Variants in OSBPL10 observed in about 807,000 individuals in gnomAD.
OSBPL10 encodes the protein oxysterol binding protein like 10.
Under a neutral mutation model 81.7 loss-of-function variants are expected in OSBPL10, and 49 were observed. That is an observed-to-expected ratio of 0.60 (90% CI 0.48 to 0.76). The LOEUF (loss-of-function observed/expected upper bound fraction) is 0.76, where lower values mean the gene tolerates loss of function less well. OSBPL10 is among the 30% of genes least tolerant of loss of function. OSBPL10 has a pLI of 0.00. For synonymous variants in OSBPL10, 419 were observed against 383.6 expected (o/e 1.09, Z -1.08); for missense variants, 923 against 987.8 (o/e 0.93, Z 0.88).
chr3:31,886,053 G>T (rs1363479087), intron 1 of OSBPL10, among the ~76,000 whole-genome samples: 1 of 150,456 alleles, frequency 6.6e-6, no homozygotes, highest in Non-Finnish European at 1.5e-5. Context: ...GGGGGGTGGG[G>T]GGCTGCAGTG....
chr3:31,751,217 G>A (rs1697707033), intron 4 of OSBPL10, among the ~76,000 whole-genome samples: 1 of 152,146 alleles, frequency 6.6e-6, no homozygotes, highest in East Asian at 1.9e-4. Flanking sequence ...AGGCATGGTG[G>A]TGCACCTGTG....
At chr3:31,909,982 CTTT>C (rs563373548) in intron 1 of OSBPL10, among the ~76,000 whole-genome samples, 12 of 129,276 alleles carry the variant, frequency 9.3e-5, no homozygotes, top group Admixed American at 2.4e-4. Flanking sequence ...GTCTCCTGGC[CTTT>C]TTTTTTTTTT....
intron 1 of OSBPL10, among the ~76,000 whole-genome samples, chr3:31,977,660 C>T (rs1698726997): frequency 6.6e-6 from 1 of 152,190 alleles, no homozygotes; most frequent in Non-Finnish European, 1.5e-5. Context: ...CCTGCAAATA[C>T]TTGCTTTATC....
intron 2 of OSBPL10, among the ~76,000 whole-genome samples, chr3:31,997,162 C>T (rs1179032162): frequency 3.3e-5 from 5 of 152,028 alleles, no homozygotes; most frequent in Non-Finnish European, 5.9e-5. Flanking sequence ...AAAGCATGCC[C>T]GATTTATGTG....
At chr3:31,772,509 A>G (rs1457518195) in intron 4 of OSBPL10, among the ~76,000 whole-genome samples, 1 of 152,242 alleles carries the variant, frequency 6.6e-6, no homozygotes. Flanking sequence ...ATGAGGCCCA[A>G]AAGTGGTAAG....
intron 1 of OSBPL10, among the ~76,000 whole-genome samples, chr3:32,069,952 G>T (rs1699813804): frequency 6.6e-6 from 1 of 152,182 alleles, no homozygotes; most frequent in Non-Finnish European, 1.5e-5. Context: ...TGTCTGTGTG[G>T]GTCCCCACTG....
intron 4 of OSBPL10, among the ~76,000 whole-genome samples, chr3:31,761,489 AG>A (rs1311722152): frequency 1.4e-5 from 2 of 148,008 alleles, no homozygotes; most frequent in African/African-American, 5.0e-5. Flanking sequence ...AAAAAAAAAA[AG>A]TTTCCATATC....
intron 4 of OSBPL10, among the ~76,000 whole-genome samples, chr3:31,778,032 C>T (rs1464525151): frequency 6.6e-6 from 1 of 152,100 alleles, no homozygotes; most frequent in African/African-American, 2.4e-5. Context: ...TGGGGGCAAA[C>T]AGGAAATGCT....
At chr3:32,026,076 TA>T (rs1180732478) in intron 2 of OSBPL10, among the ~76,000 whole-genome samples, 7 of 105,684 alleles carry the variant, frequency 6.6e-5, no homozygotes, top group African/African-American at 2.2e-4. Flanking sequence ...GATAGATAGA[TA>T]GATAGATAGA....
intron 4 of OSBPL10, 119 bp from the exon 5 acceptor site, chr3:31,748,239 G>A (rs1314973622): frequency 1.2e-5 from 10 of 845,920 alleles, no homozygotes; most frequent in East Asian, 8.0e-5. Context: ...CAGCGTGTTC[G>A]GTGCACATTC....
chr3:31,956,682 T>G (rs1698017210), intron 1 of OSBPL10, among the ~76,000 whole-genome samples: 1 of 151,886 alleles, frequency 6.6e-6, no homozygotes, highest in East Asian at 1.9e-4. Flanking sequence ...GAGCCGAGAT[T>G]GCGCCATTGC....
chr3:31,671,002 G>A lies in OSBPL10; in HGVS notation c.1727-19C>T, dbSNP rs766701563. The A allele has an allele frequency of 5.3e-5, 84 of 1,591,468 alleles. No homozygotes were observed. Among genetic ancestry groups the A allele is most frequent in the African/African-American group, 6.7e-5 (5 of 74,250 alleles). On this transcript the variant is annotated intron_variant, in intron 8 of 11. Coordinates refer to ENST00000396556, the MANE Select transcript of OSBPL10 (RefSeq NM_017784.5). Reference sequence around the variant, plus strand: ...AACACACCTCCAGGGAGAGAGGAGGGAGAGTTAGGCATGCAAACATGTGAA... The same window carrying A: ...AACACACCTCCAGGGAGAGAGGAGGAAGAGTTAGGCATGCAAACATGTGAA...
chr3:31,861,231 G>GTATTA (rs1701050617), intron 3 of OSBPL10, among the ~76,000 whole-genome samples: 1 of 152,016 alleles, frequency 6.6e-6, no homozygotes, highest in Non-Finnish European at 1.5e-5. Flanking sequence ...CATCCCCTTG[G>GTATTA]TGTCCATGGG....
chr3:31,839,022 A>T (rs1266344378), intron 3 of OSBPL10, among the ~76,000 whole-genome samples: 1 of 152,204 alleles, frequency 6.6e-6, no homozygotes, highest in Non-Finnish European at 1.5e-5. Context: ...CAGAGATGGT[A>T]TCTAACCAGC....
intron 1 of OSBPL10, among the ~76,000 whole-genome samples, chr3:31,980,649 C>T (rs1688680758): frequency 6.6e-6 from 1 of 152,278 alleles, no homozygotes; most frequent in African/African-American, 2.4e-5. Flanking sequence ...TAGAAGAAAA[C>T]CAGGGCTCTC....
At chr3:31,940,920 G>A (rs1055141108) in intron 1 of OSBPL10, among the ~76,000 whole-genome samples, 3 of 152,118 alleles carry the variant, frequency 2.0e-5, no homozygotes, top group Non-Finnish European at 2.9e-5. Context: ...TTACAGGCAT[G>A]AGCCACCACA....
chr3:32,001,708 G>T (rs1248928654), intron 2 of OSBPL10, among the ~76,000 whole-genome samples: 1 of 151,766 alleles, frequency 6.6e-6, no homozygotes, highest in Non-Finnish European at 1.5e-5. Context: ...GCTAGTCATT[G>T]CTTCTCAGCC....
chr3:32,053,699 T>C (rs1699685287), intron 1 of OSBPL10, among the ~76,000 whole-genome samples: 1 of 152,020 alleles, frequency 6.6e-6, no homozygotes, highest in African/African-American at 2.4e-5. Context: ...ATGAGGATGG[T>C]GCTGTGGCTC....
At chr3:31,929,995 T>A (rs1697191936) in intron 1 of OSBPL10, among the ~76,000 whole-genome samples, 1 of 51,666 alleles carries the variant, frequency 1.9e-5, no homozygotes. Flanking sequence ...TGAGACCCTG[T>A]CACCAACCAA....
Sources: allele counts gnomAD v4.1 joint callset (sites outside exome capture counted in the v4.1 genomes callset), GRCh38; gene constraint gnomAD v4.1.1; transcripts MANE v1.5; gene names NCBI Gene and HGNC (gene_info 2026-07-23, HGNC 2026-07-21).